ZHX3: variants seen among roughly 807,000 people sequenced by gnomAD.
ZHX3 encodes the protein zinc fingers and homeoboxes protein 3.
In ZHX3, 20 loss-of-function variants were observed where a neutral mutation model predicts 64.5. That is an observed-to-expected ratio of 0.31 (90% CI 0.22 to 0.45). The LOEUF is 0.45. ZHX3 is among the 20% of genes least tolerant of loss of function. ZHX3 has a pLI of 1.00. For synonymous variants in ZHX3, 423 were observed against 461.6 expected (o/e 0.92, Z 1.07); for missense variants, 1,041 against 1,195.8 (o/e 0.87, Z 1.91).
chr20:41,198,099 G>A (rs1427408232), intron 3 of ZHX3, among the ~76,000 whole-genome samples: 3 of 150,084 alleles, frequency 2.0e-5, no homozygotes, highest in Non-Finnish European at 4.4e-5. Context: ...CTGCCTCCCA[G>A]GTTCAAGCGA....
intron 2 of ZHX3, among the ~76,000 whole-genome samples, chr20:41,263,538 G>A (rs541675499): frequency 4.0e-5 from 6 of 151,872 alleles, no homozygotes; most frequent in Middle Eastern, 3.4e-3. Context: ...GGGACTACAC[G>A]TGTATGCCAC....
chr20:41,256,829 A>T (rs2042279791), intron 2 of ZHX3, among the ~76,000 whole-genome samples: 1 of 151,786 alleles, frequency 6.6e-6, no homozygotes, highest in South Asian at 2.1e-4. Context: ...AGCTTTTGCC[A>T]TTTTTAAAAT....
intron 2 of ZHX3, among the ~76,000 whole-genome samples, chr20:41,254,043 G>A (rs754805437): frequency 7.9e-4 from 120 of 152,208 alleles, no homozygotes; most frequent in Non-Finnish European, 1.5e-3. Context: ...CCAGCACTTT[G>A]GGAGGCTAAG....
chr20:41,265,941 A>G (rs1244229098), intron 2 of ZHX3, among the ~76,000 whole-genome samples: 1 of 152,182 alleles, frequency 6.6e-6, no homozygotes, highest in East Asian at 1.9e-4. Context: ...TTAATACCAG[A>G]ACCAGTGGAG....
rs938757745 is a variant in ZHX3 at position 41,232,104 on chromosome 20, G to T, written c.-150-27038C>A. ...AAAGGAAGCCACCAAGATGATTAAA[G>T]GGTTGGAAAATGAGATTTATGGGTA... On this transcript the variant is annotated intron_variant, in intron 2 of 3. Transcript: ENST00000683867. The surrounding 1 kb of genome is among the most constrained non-coding windows in gnomAD (Gnocchi z 5.0). 3.3e-5 allele frequency among the ~76,000 whole-genome samples: 5 copies of T among 152,146 alleles called. No individual in the cohort carries two copies. Among genetic ancestry groups the T allele is most frequent in the Admixed American group, 1.3e-4 (2 of 15,276 alleles).
chr20:41,254,011 G>A (rs1221903483), intron 2 of ZHX3, among the ~76,000 whole-genome samples: 1 of 152,060 alleles, frequency 6.6e-6, no homozygotes, highest in Non-Finnish European at 1.5e-5. Context: ...TCAGCCAGGC[G>A]CAATGGCTCA....
rs960511643 is a variant in ZHX3, at chr20:41,294,504, G to C, written c.-245+23005C>G. Among the ~76,000 whole-genome samples, 5 of 151,944 alleles carry C rather than the reference G, an allele frequency of 3.3e-5. No homozygotes were observed. In the East Asian group the frequency reaches 9.7e-4, roughly 29 times the overall value. Reference sequence around the variant, plus strand: ...AGCCTCCCGAGTAGCTGGGATTACAGGCACCCCCCCACCACACCTGGGTAA... The same window carrying C: ...AGCCTCCCGAGTAGCTGGGATTACACGCACCCCCCCACCACACCTGGGTAA... On this transcript the variant is annotated intron_variant, in intron 1 of 3. Transcript: ENST00000683867.
chr20:41,200,634 C>T lies in ZHX3; in HGVS notation c.2860+1423G>A, dbSNP rs960528953. Among the ~76,000 whole-genome samples the T allele has an allele frequency of 6.6e-6, 1 of 152,136 alleles. No individual in the cohort carries two copies. Among genetic ancestry groups the T allele is most frequent in the Non-Finnish European group, 1.5e-5 (1 of 68,032 alleles). On this transcript the variant is annotated intron_variant, in intron 3 of 3. Transcript: ENST00000683867. This position sits in a 1 kb window ranked among gnomAD's most constrained non-coding sequence, Gnocchi z 4.2. ...TGTAAGGGAGCCAGTGGCCCTTGTA[C>T]TCCTACCCTAAGTGCTGACCAGGGC...
chr20:41,254,495 G>A (rs1166995541), intron 2 of ZHX3: 1 of 152,098 alleles, frequency 6.6e-6, no homozygotes, highest in Non-Finnish European at 1.5e-5. Context: ...AAGGAGCATG[G>A]GCATCACAGC....
At chr20:41,306,437 G>A (rs747919694) in intron 1 of ZHX3, among the ~76,000 whole-genome samples, 19 of 152,180 alleles carry the variant, frequency 1.2e-4, no homozygotes, top group Non-Finnish European at 2.8e-4. Flanking sequence ...AGGCAAAAGT[G>A]GGACTAGACA....
intron 2 of ZHX3, among the ~76,000 whole-genome samples, chr20:41,238,992 CTTTTT>C (rs36076017): frequency 1.2e-5 from 1 of 86,300 alleles, no homozygotes; most frequent in Admixed American, 1.5e-4. Context: ...TTTTCTCTCT[CTTTTT>C]TTTTTTTTTT....
At chr20:41,274,398 G>A (rs538775301) in intron 1 of ZHX3, among the ~76,000 whole-genome samples, 1 of 152,248 alleles carries the variant, frequency 6.6e-6, no homozygotes, top group Non-Finnish European at 1.5e-5. Context: ...TAGCTACTTC[G>A]CCAAAGATTT....
rs369406655 is a variant in ZHX3, at chr20:41,179,394, G to C, written c.*5797C>G. 1.1e-4 allele frequency: 16 copies of C among 152,152 alleles called. No individual in the cohort carries two copies. The East Asian group carries it at 3.1e-3, about 29-fold the overall frequency. The allele number at this position is 152,152 out of a possible 1,614,324, so 9.4% of individuals were successfully genotyped here. On this transcript the variant is annotated 3_prime_UTR_variant, in exon 4 of 4. Transcript: ENST00000683867. The surrounding 1 kb of genome is among the most constrained non-coding windows in gnomAD (Gnocchi z 4.3). The stretch of plus-strand genomic sequence containing the variant: ...TCACTCCTGCTGACAATCTCATGTG[G>C]GGCTCTGGCCCTGTTCCAAGCAAAC...
Position 41,190,146 on chromosome 20 carries a change from A to G in ZHX3, c.2861-4945T>C, listed in dbSNP as rs1432633169. On this transcript the variant is annotated intron_variant, in intron 3 of 3. Transcript: ENST00000683867. ...ATGGTGTATGTTAAACCATCCTTGC[A>G]TTATAATTTTTTGAGACAGAGTTTC... 3.3e-5 allele frequency among the ~76,000 whole-genome samples: 5 copies of G among 152,108 alleles called. No homozygotes were observed. In the East Asian group the frequency reaches 5.8e-4, roughly 18 times the overall value.
Position 41,201,703 on chromosome 20 carries a change from G to A in ZHX3, c.2860+354C>T, listed in dbSNP as rs1217009848. On this transcript the variant is annotated intron_variant, in intron 3 of 3. Transcript: ENST00000683867. The surrounding 1 kb of genome is among the most constrained non-coding windows in gnomAD (Gnocchi z 5.0). ...GCTGAATTTCAACTCATGTCCTGTTGCTGTCTCCTACCCAGTGGCTGTGGA... is the reference window on the plus strand; with the variant it reads ...GCTGAATTTCAACTCATGTCCTGTTACTGTCTCCTACCCAGTGGCTGTGGA... Among the ~76,000 whole-genome samples the A allele has an allele frequency of 6.6e-6, 1 of 152,178 alleles. No homozygotes were observed. The highest frequency in any genetic ancestry group is 2.4e-5 in the African/African-American group (1 of 41,436).
intron 1 of ZHX3, among the ~76,000 whole-genome samples, chr20:41,315,854 G>A (rs1410954046): frequency 6.6e-6 from 1 of 151,876 alleles, no homozygotes; most frequent in African/African-American, 2.4e-5. Flanking sequence ...TGGGATTATG[G>A]GGTTTTTTTT....
At chr20:41,266,632 G>A (rs185727001) in intron 2 of ZHX3, among the ~76,000 whole-genome samples, 13 of 148,914 alleles carry the variant, frequency 8.7e-5, no homozygotes, top group African/African-American at 2.5e-4. Context: ...TGCAAGCTCC[G>A]CCCCCCAGGT....
chr20:41,276,221 T>A lies in ZHX3; in HGVS notation c.-244-7138A>T, dbSNP rs74273538. Among the ~76,000 whole-genome samples, 91 of 152,068 alleles carry A rather than the reference T, an allele frequency of 6.0e-4. No homozygotes were observed. In the East Asian group the frequency reaches 0.016, roughly 26 times the overall value. ...TTTTTTGTTTTCCAGTTATCAAGTA[T>A]GTCCCCCAACCCCACCCTTAAAAGT... On this transcript the variant is annotated intron_variant, in intron 1 of 3. Coordinates refer to ENST00000683867, the MANE Select transcript of ZHX3 (RefSeq NM_001384317.1).
intron 2 of ZHX3, among the ~76,000 whole-genome samples, chr20:41,206,306 A>G (rs1202812735): frequency 6.6e-6 from 1 of 152,206 alleles, no homozygotes. Flanking sequence ...AATGGCTTTG[A>G]TGAGTTGAGA....
Sources: gnomAD v4.1 joint callset for allele counts (sites outside exome capture counted in the v4.1 genomes callset) on GRCh38, gnomAD v4.1.1 for gene constraint, Gnocchi (gnomAD v3.1) non-coding constraint, MANE v1.5 for transcripts, NCBI Gene and HGNC (gene_info 2026-07-23, HGNC 2026-07-21) for gene names.